BRWD1: variants seen among roughly 807,000 people sequenced by gnomAD.
BRWD1 encodes bromodomain and WD repeat domain containing 1.
A neutral mutation model predicts 251.2 loss-of-function variants in BRWD1; 82 were observed. The observed-to-expected ratio is 0.33, with a 90% CI of 0.27 to 0.39. The LOEUF (loss-of-function observed/expected upper bound fraction) is 0.39. BRWD1 is among the 10% of genes least tolerant of loss of function. The pLI is 1.00. For missense variants in BRWD1, 2,233 were observed against 2,711.6 expected, an observed-to-expected ratio of 0.82 and a Z score of 3.92; for synonymous variants, 918 against 902.8, an observed-to-expected ratio of 1.02 and a Z score of -0.30.
intron 37 of BRWD1, among the ~76,000 whole-genome samples, chr21:39,203,712 T>C (rs2032238769): frequency 6.6e-6 from 1 of 150,732 alleles, no homozygotes; most frequent in African/African-American, 2.4e-5. Context: ...CAGCCGACCC[T>C]GCTTCTTAAA....
At chr21:39,256,479 G>A (rs911828677) in intron 18 of BRWD1, among the ~76,000 whole-genome samples, 2 of 152,182 alleles carry the variant, frequency 1.3e-5, no homozygotes, top group Admixed American at 6.5e-5. Context: ...AATGCCAGTC[G>A]TGCTTAAACT....
intron 20 of BRWD1, among the ~76,000 whole-genome samples, chr21:39,250,431 T>C (rs574061951): frequency 3.3e-5 from 5 of 152,094 alleles, no homozygotes; most frequent in Admixed American, 1.3e-4. Flanking sequence ...TTACCAGACC[T>C]GTTTTTAAAA....
intron 2 of BRWD1, 68 bp downstream of exon 2, chr21:39,313,173 C>T: frequency 6.7e-7 from 1 of 1,498,374 alleles, no homozygotes; most frequent in South Asian, 1.3e-5. Flanking sequence ...CCGCCCACCA[C>T]CCGCGACCCC....
chr21:39,275,433 G>A (rs973398408), intron 12 of BRWD1, among the ~76,000 whole-genome samples: 2 of 152,044 alleles, frequency 1.3e-5, no homozygotes, highest in Non-Finnish European at 2.9e-5. Flanking sequence ...GCTAGAAGCT[G>A]GCAGAAACTA....
chr21:39,263,909 TTTATGTTG>T (rs1324389694), intron 17 of BRWD1, among the ~76,000 whole-genome samples: 1 of 152,184 alleles, frequency 6.6e-6, no homozygotes, highest in African/African-American at 2.4e-5. Context: ...TAGAACATCA[TTTATGTTG>T]TATTCTGTCA....
At chr21:39,299,877 G>A (rs553881342) in intron 4 of BRWD1, among the ~76,000 whole-genome samples, 3 of 151,888 alleles carry the variant, frequency 2.0e-5, no homozygotes, top group African/African-American at 7.2e-5. Context: ...CAGCTACTTA[G>A]GAGGCTGAGG....
intron 33 of BRWD1, among the ~76,000 whole-genome samples, 170 bp from the exon 34 acceptor site, chr21:39,212,877 G>T (rs561800726): frequency 6.9e-6 from 1 of 145,400 alleles, no homozygotes; most frequent in Admixed American, 6.9e-5. Flanking sequence ...ACCCAGGCTT[G>T]AAAAAAAAAA....
intron 8 of BRWD1, among the ~76,000 whole-genome samples, chr21:39,290,770 C>G (rs2035786196): frequency 6.6e-6 from 1 of 152,106 alleles, no homozygotes; most frequent in Non-Finnish European, 1.5e-5. Flanking sequence ...ATAAAATCTT[C>G]CAGAGAACAA....
In BRWD1 at chr21:39,196,602, T is replaced by A. The variant is rs2234548; in HGVS notation, c.6467A>T (p.Lys2156Ile). The change falls in exon 41 of 41, where the codon AAA (lysine) becomes ATA (isoleucine). Residue 2156 changes from lysine to isoleucine, a missense_variant. This residue lies in a region of BRWD1 where 928 missense variants were observed against 970.0 expected (regional missense o/e 0.96). Transcript: ENST00000342449. ...NSKFRPDTSS[K>I]SSDLGSVTES... ...AGTTACAGATCCCAAATCTGATGAT[T>A]TGGAACTAGTATCAGGTCTAAACTT... 3 of 1,613,476 alleles carry A rather than the reference T, an allele frequency of 1.9e-6. No individual in the cohort carries two copies. The highest frequency in any genetic ancestry group is 2.5e-6 in the Non-Finnish European group (3 of 1,179,754).
Position 39,192,395 on chromosome 21 carries a change from A to G in BRWD1, c.*3864T>C. The G allele has an allele frequency of 1.0e-6, 1 of 985,196 alleles. No homozygotes were observed. The highest frequency in any genetic ancestry group is 1.2e-6 in the Non-Finnish European group (1 of 829,776). The allele number at this position is 985,196 out of a possible 1,614,324, so 61.0% of individuals were successfully genotyped here. A position where few individuals can be genotyped will look rare whatever the true frequency, so the allele number is the denominator to read the frequency against. On this transcript the variant is annotated 3_prime_UTR_variant, in exon 41 of 41. Transcript: ENST00000342449. ...TTTATTCCTTCTCTTCCCAAATACT[A>G]GGATAAGAGACAGTCTCAAACTGTT...
intron 36 of BRWD1, 128 bp from the exon 37 acceptor site, chr21:39,206,402 T>A (rs535725558): frequency 9.0e-6 from 6 of 663,380 alleles, no homozygotes; most frequent in African/African-American, 7.4e-5. Context: ...GTCACCCACT[T>A]CTTCTGTTTC....
rs572985240 is a variant in BRWD1, at chr21:39,193,242, CTGTGAG to C, written c.*3011_*3016del. The stretch of plus-strand genomic sequence containing the variant: ...GAACCTTTCTGTTGTAATTTACAAG[CTGTGAG>C]TAACTGCTATATCATTGTTTCCAAG... On this transcript the variant is annotated 3_prime_UTR_variant, in exon 41 of 41. Transcript: ENST00000342449. The C allele has an allele frequency of 1.0e-5, 10 of 984,910 alleles. No individual in the cohort carries two copies. The South Asian group carries it at 4.7e-4, about 46-fold the overall frequency. 61.0% of individuals were successfully genotyped at this position (984,910 alleles called of 1,614,324 possible). A position where few individuals can be genotyped will look rare whatever the true frequency, so the allele number is the denominator to read the frequency against.
At chr21:39,203,748 G>T (rs532710847) in intron 37 of BRWD1, among the ~76,000 whole-genome samples, 64 of 150,410 alleles carry the variant, frequency 4.3e-4, no homozygotes, top group African/African-American at 1.5e-3. Flanking sequence ...CCTTTTAAGT[G>T]GTATCTAGAC....
Position 39,199,121 on chromosome 21 carries a change from T to C in BRWD1, c.5295A>G (p.Ser1765=), listed in dbSNP as rs1273186801. 1 of 1,613,892 alleles carries C rather than the reference T, an allele frequency of 6.2e-7. No individual in the cohort carries two copies. The highest frequency in any genetic ancestry group is 8.5e-7 in the Non-Finnish European group (1 of 1,179,998). Residue 1765 remains serine (S), a synonymous_variant, in exon 40 of 41, where the codon TCA becomes TCG. Transcript: ENST00000342449. ...SSEEDSKSHD[S]DHACNRTAGP... ...CAGCAGTTCTGTTACATGCATGATC[T>C]GAATCATGACTTTTAGAGTCTTCCT...
chr21:39,201,446 G>A (rs1428253160), intron 38 of BRWD1, among the ~76,000 whole-genome samples: 4 of 152,164 alleles, frequency 2.6e-5, no homozygotes, highest in East Asian at 1.9e-4. Context: ...TGCAAGGCTC[G>A]AAAGTTGCTA....
intron 17 of BRWD1, among the ~76,000 whole-genome samples, chr21:39,263,784 A>G (rs2034831734): frequency 6.6e-6 from 1 of 152,194 alleles, no homozygotes; most frequent in African/African-American, 2.4e-5. Flanking sequence ...TCTCCCCACA[A>G]ATTACTATTA....
chr21:39,264,041 A>G (rs2034839774), intron 17 of BRWD1, among the ~76,000 whole-genome samples: 1 of 152,182 alleles, frequency 6.6e-6, no homozygotes, highest in Non-Finnish European at 1.5e-5. Flanking sequence ...TCAAAAACTG[A>G]CAACCTGCTC....
In BRWD1 at chr21:39,218,584, T is replaced by C. The variant is rs2033047801; in HGVS notation, c.3459A>G (p.Gln1153=). 2 of 1,612,686 alleles carry C rather than the reference T, an allele frequency of 1.2e-6. No homozygotes were observed. The highest frequency in any genetic ancestry group is 2.2e-5 in the South Asian group (2 of 90,912). ...DELEKLLYKP[Q]AGEWGQKSRD... Reference sequence around the variant, plus strand: ...TTGATTTCTGACCCCATTCACCAGCTTGTGGTTTATAGAGCAATTTCTCTA... The same window carrying C: ...TTGATTTCTGACCCCATTCACCAGCCTGTGGTTTATAGAGCAATTTCTCTA... Residue 1153 remains glutamine (Q), a synonymous_variant, in exon 30 of 41, where the codon CAA becomes CAG. Coordinates refer to ENST00000342449, the MANE Select transcript of BRWD1 (RefSeq NM_033656.4).
At chr21:39,304,031 C>T (rs998752691) in intron 4 of BRWD1, among the ~76,000 whole-genome samples, 3 of 150,802 alleles carry the variant, frequency 2.0e-5, no homozygotes, top group Admixed American at 6.6e-5. Context: ...ATCCCAGCTA[C>T]TCAGGAGGCT....
Sources: gnomAD v4.1 joint callset for allele counts (sites outside exome capture counted in the v4.1 genomes callset) on GRCh38, gnomAD v4.1.1 for gene constraint, gnomAD v4.1.1 regional missense constraint, MANE v1.5 for transcripts, NCBI Gene and HGNC (gene_info 2026-07-23, HGNC 2026-07-21) for gene names.